DENND5A: variants seen among roughly 807,000 people sequenced by gnomAD.
DENND5A encodes DENN domain containing 5A.
In DENND5A, 64 loss-of-function variants were observed where a neutral mutation model predicts 140.3. The observed-to-expected ratio is 0.46, with a 90% confidence interval of 0.37 to 0.56. DENND5A has a LOEUF of 0.56. DENND5A is among the 20% of genes least tolerant of loss of function. DENND5A has a pLI of 0.00. For missense variants in DENND5A, 1,292 were observed against 1,593.8 expected (o/e 0.81, Z 3.22); for synonymous variants, 605 against 607.7 (o/e 1.00, Z 0.07).
chr11:9,163,110 C>T (rs897082300), intron 11 of DENND5A, among the ~76,000 whole-genome samples: 1 of 152,140 alleles, frequency 6.6e-6, no homozygotes, highest in Non-Finnish European at 1.5e-5. Flanking sequence ...CATGAATACA[C>T]CACAATATAC....
intron 1 of DENND5A, among the ~76,000 whole-genome samples, chr11:9,260,664 AAATT>A (rs1852156841): frequency 6.6e-6 from 1 of 152,134 alleles, no homozygotes; most frequent in African/African-American, 2.4e-5. Context: ...CCAGAAAACA[AAATT>A]AATTTTCACA....
chr11:9,206,848 T>A, intron 2 of DENND5A, 66 bp from the exon 3 acceptor site: 2 of 1,208,874 alleles, frequency 1.7e-6, no homozygotes, highest in South Asian at 2.4e-5. Context: ...GTTATAAATG[T>A]CTGAGCTTGG....
intron 7 of DENND5A, 115 bp downstream of exon 7, chr11:9,178,743 G>T: frequency 2.3e-6 from 2 of 864,288 alleles, no homozygotes; most frequent in Non-Finnish European, 3.7e-6. Flanking sequence ...CCATAAACTT[G>T]TTTCCAGCAT....
intron 20 of DENND5A, 105 bp downstream of exon 20, chr11:9,143,298 T>C (rs1330630772): frequency 1.0e-6 from 1 of 999,762 alleles, no homozygotes; most frequent in Non-Finnish European, 1.6e-6. Context: ...CTCTAGGGTG[T>C]CCACAGCACA....
Position 9,178,376 on chromosome 11 carries a change from C to G in DENND5A, c.1672-10G>C. ...CTGACAGAAAAGATGCCTGGTGGGA[C>G]CAAAAAGAAGCAGTAATTGACAGGG... On this transcript the variant is annotated splice_polypyrimidine_tract_variant and intron_variant, in intron 7 of 22. Coordinates refer to ENST00000328194, the MANE Select transcript of DENND5A (RefSeq NM_015213.4). 3.2e-6 allele frequency: 5 copies of G among 1,554,752 alleles called. No homozygotes were observed. Among genetic ancestry groups the G allele is most frequent in the Non-Finnish European group, 4.4e-6 (5 of 1,127,328 alleles).
At chr11:9,230,943 G>A (rs1052458843) in intron 1 of DENND5A, among the ~76,000 whole-genome samples, 2 of 152,020 alleles carry the variant, frequency 1.3e-5, no homozygotes, top group African/African-American at 2.4e-5. Context: ...AGCAGTTAGC[G>A]TGCACTCTAG....
chr11:9,165,766 A>G (rs1848168136), intron 11 of DENND5A, 70 bp downstream of exon 11: 2 of 1,564,212 alleles, frequency 1.3e-6, no homozygotes, highest in Non-Finnish European at 1.8e-6. Context: ...GGGAGTGGTC[A>G]GAGCCAATCC....
chr11:9,263,312 C>T (rs921778401), intron 1 of DENND5A, among the ~76,000 whole-genome samples: 1 of 151,526 alleles, frequency 6.6e-6, no homozygotes, highest in African/African-American at 2.4e-5. Context: ...CCTCCCCCTC[C>T]TGGGTTAAAG....
At chr11:9,241,805 G>A (rs1326010136) in intron 1 of DENND5A, among the ~76,000 whole-genome samples, 2 of 151,912 alleles carry the variant, frequency 1.3e-5, no homozygotes, top group South Asian at 2.1e-4. Context: ...ACCTGAGGTC[G>A]GAAGTTCAAT....
intron 4 of DENND5A, among the ~76,000 whole-genome samples, chr11:9,203,269 A>G (rs939743733): frequency 2.6e-5 from 4 of 152,234 alleles, no homozygotes; most frequent in Non-Finnish European, 4.4e-5. Flanking sequence ...TCAATATATA[A>G]AGGATTATCC....
In DENND5A at chr11:9,193,616, G is replaced by T; in HGVS notation, c.1015C>A (p.His339Asn). ...TALMFPFQWQ[H>N]VYVPILPASL... ...GCTGGGAGAATAGGGACATAGACAT[G>T]CTGCCACTGGAAAGGAAACATGAGA... The change falls in exon 5 of 23, where the codon CAT (histidine) becomes AAT (asparagine). Residue 339 changes from histidine (H) to asparagine (N), a missense_variant. Transcript: ENST00000328194. The T allele has an allele frequency of 6.2e-7, 1 of 1,614,034 alleles. No homozygotes were observed. Among genetic ancestry groups the T allele is most frequent in the South Asian group, 1.1e-5 (1 of 91,078 alleles).
chr11:9,201,137 AT>A (rs1489188299), intron 4 of DENND5A, among the ~76,000 whole-genome samples: 4 of 150,704 alleles, frequency 2.7e-5, no homozygotes, highest in Admixed American at 2.6e-4. Flanking sequence ...CAATTAATAA[AT>A]AAAGATAAAG....
intron 11 of DENND5A, among the ~76,000 whole-genome samples, chr11:9,162,334 G>A (rs1242798349): frequency 6.8e-6 from 1 of 147,532 alleles, no homozygotes. Context: ...CGCCTCCCCG[G>A]TTCAAGCAAA....
intron 1 of DENND5A, 122 bp from the exon 2 acceptor site, chr11:9,207,754 G>A (rs1849741298): frequency 1.5e-6 from 1 of 659,912 alleles, no homozygotes; most frequent in Admixed American, 3.0e-5. Flanking sequence ...ACATGTATGT[G>A]TATACATAAA....
At chr11:9,191,933 C>T (rs531404843) in intron 5 of DENND5A, among the ~76,000 whole-genome samples, 1 of 152,296 alleles carries the variant, frequency 6.6e-6, no homozygotes, top group Non-Finnish European at 1.5e-5. Context: ...CCAGTCGACT[C>T]TTCAGGTTTA....
At chr11:9,230,054 G>T (rs1462771816) in intron 1 of DENND5A, among the ~76,000 whole-genome samples, 1 of 150,218 alleles carries the variant, frequency 6.7e-6, no homozygotes, top group Admixed American at 6.7e-5. Context: ...GACTACAGGC[G>T]CCTGCCACCA....
intron 5 of DENND5A, among the ~76,000 whole-genome samples, chr11:9,188,267 C>T (rs1848989548): frequency 1.3e-5 from 2 of 152,316 alleles, no homozygotes; most frequent in Middle Eastern, 6.8e-3. Context: ...TTTGCTCCTC[C>T]TTGCCTTCCA....
At chr11:9,247,229 TAAA>T (rs75951139) in intron 1 of DENND5A, among the ~76,000 whole-genome samples, 1 of 126,786 alleles carries the variant, frequency 7.9e-6, no homozygotes, top group Admixed American at 8.1e-5. Context: ...GACTCCGTCT[TAAA>T]AAAAAAAAAA....
At chr11:9,203,279 C>T (rs1390368720) in intron 4 of DENND5A, among the ~76,000 whole-genome samples, 1 of 152,106 alleles carries the variant, frequency 6.6e-6, no homozygotes, top group Non-Finnish European at 1.5e-5. Context: ...AAGGATTATC[C>T]TTTGTGAATC....
Sources: gnomAD v4.1 joint callset for allele counts (sites outside exome capture counted in the v4.1 genomes callset) on GRCh38, gnomAD v4.1.1 for gene constraint, MANE v1.5 for transcripts, NCBI Gene and HGNC (gene_info 2026-07-23, HGNC 2026-07-21) for gene names.